RAB40C: variants seen among roughly 807,000 people sequenced by gnomAD.
RAB40C encodes ras-related protein Rab-40C.
Under a neutral mutation model 28.1 loss-of-function variants are expected in RAB40C, and 8 were observed. The observed-to-expected ratio is 0.28, with a 90% CI of 0.17 to 0.51. The LOEUF (loss-of-function observed/expected upper bound fraction) is 0.51, where lower values mean the gene tolerates loss of function less well. Ranked by LOEUF, RAB40C falls within the 20% of genes least tolerant of loss-of-function variation. The pLI, the probability that RAB40C is intolerant of heterozygous loss-of-function variation, is 0.97. For missense variants in RAB40C, 288 were observed against 405.9 expected, an observed-to-expected ratio of 0.71 and a Z score of 2.50; for synonymous variants, 201 against 171.7, an observed-to-expected ratio of 1.17 and a Z score of -1.34.
chr16:622,541 C>G (rs1357428875), intron 3 of RAB40C, among the ~76,000 whole-genome samples: 1 of 152,216 alleles, frequency 6.6e-6, no homozygotes, highest in Non-Finnish European at 1.5e-5. Context: ...CACGGTCTGG[C>G]TCTGTCGCCA....
At chr16:616,532 G>T (rs1048555610) in intron 1 of RAB40C, 1 of 151,814 alleles carries the variant, frequency 6.6e-6, no homozygotes. Flanking sequence ...TAGAGACGGG[G>T]TTTCACTGTG....
At chr16:594,478 G>C (rs2036069174) in intron 1 of RAB40C, among the ~76,000 whole-genome samples, 1 of 152,158 alleles carries the variant, frequency 6.6e-6, no homozygotes, top group Non-Finnish European at 1.5e-5. Context: ...ACCCTGTGTG[G>C]GTGTCCCAGC....
At chr16:625,568 C>A (rs2151081839) in intron 4 of RAB40C, 59 bp downstream of exon 4, 1 of 1,536,750 alleles carries the variant, frequency 6.5e-7, no homozygotes, top group Admixed American at 1.7e-5. Flanking sequence ...GGTACCTGGG[C>A]CCCGGGTAGG....
At chr16:624,471 G>A (rs1192344675) in intron 3 of RAB40C, 39 of 985,338 alleles carry the variant, frequency 4.0e-5, no homozygotes, top group East Asian at 2.3e-4. Context: ...CAAGGCCTTC[G>A]CCCTGGGAGC....
At chr16:603,533 G>A (rs1450932166) in intron 1 of RAB40C, among the ~76,000 whole-genome samples, 1 of 152,224 alleles carries the variant, frequency 6.6e-6, no homozygotes, top group African/African-American at 2.4e-5. Flanking sequence ...AGGCTGTCTT[G>A]TAGGGTAATC....
Position 627,359 on chromosome 16 carries a change from C to G in RAB40C, c.583C>G (p.Leu195Val), listed in dbSNP as rs1354362718. The change falls in exon 6 of 6, where the codon CTC (leucine) becomes GTC (valine). Residue 195 changes from leucine to valine, a missense_variant. By Grantham distance (32) the Leu-to-Val change is conservative. Around this residue, in one of 3 missense-constraint regions of RAB40C, gnomAD observed 153 missense variants for 262.4 expected, o/e 0.58. Transcript: ENST00000248139. The stretch of plus-strand genomic sequence containing the variant: ...CCCCACAGTGTTCAGCCTGCAGGAC[C>G]TCTGCTGCCGGGCCATCGTCTCCTG... ...RPNRVFSLQDLCCRAIVSCTP... is the reference protein window; with the variant it reads ...RPNRVFSLQDVCCRAIVSCTP... 1.2e-6 allele frequency: 2 copies of G among 1,613,386 alleles called. No individual in the cohort carries two copies. The highest frequency in any genetic ancestry group is 3.3e-5 in the Admixed American group (2 of 60,014).
upstream of RAB40C, chr16:589,368 A>G (rs1028602567): frequency 6.6e-6 from 1 of 151,876 alleles, no homozygotes; most frequent in Non-Finnish European, 1.5e-5. Flanking sequence ...GCCCGGGGCC[A>G]CCCCGCCGCT....
Position 627,402 on chromosome 16 carries a change from T to C in RAB40C, c.626T>C (p.Ile209Thr). The C allele has an allele frequency of 1.2e-6, 2 of 1,613,822 alleles. No homozygotes were observed. The highest frequency in any genetic ancestry group is 1.7e-6 in the Non-Finnish European group (2 of 1,179,956). Residue 209 changes from isoleucine (I) to threonine (T), a missense_variant, in exon 6 of 6, where the codon ATC becomes ACC. Around this residue, in one of 3 missense-constraint regions of RAB40C, gnomAD observed 153 missense variants for 262.4 expected, o/e 0.58. Transcript: ENST00000248139. ...GTCTCCTGCACCCCCGTGCACCTCA[T>C]CGACAAGCTTCCACTGCCCGTCACC... ...AIVSCTPVHL[I>T]DKLPLPVTIK...
intron 1 of RAB40C, 60 bp downstream of exon 1, chr16:590,493 C>G: frequency 1.4e-6 from 2 of 1,438,162 alleles, no homozygotes; most frequent in African/African-American, 1.5e-5. Context: ...GAGCTGGGCA[C>G]GGAGCTCGCC....
chr16:597,829 G>A (rs976858939), intron 1 of RAB40C, among the ~76,000 whole-genome samples: 17 of 151,272 alleles, frequency 1.1e-4, no homozygotes, highest in African/African-American at 3.4e-4. Context: ...GGCTGGGCAC[G>A]GTGGCTCACA....
chr16:592,737 G>A (rs1487942500), intron 1 of RAB40C, among the ~76,000 whole-genome samples: 1 of 152,244 alleles, frequency 6.6e-6, no homozygotes, highest in Non-Finnish European at 1.5e-5. Context: ...TTCATCAATC[G>A]GTGTTTTCCC....
intron 1 of RAB40C, chr16:596,574 G>A (rs571604955): frequency 3.4e-5 from 11 of 326,078 alleles, no homozygotes; most frequent in African/African-American, 1.5e-4. Flanking sequence ...TGCGGAGAAC[G>A]CTGCCGAACC....
rs1455082492 is a variant in RAB40C, at chr16:610,076, G to A, written c.143-7132G>A. The stretch of plus-strand genomic sequence containing the variant: ...CAGGGCCAGATGTAGCCTCATACCA[G>A]CCCAGCTGGGAGTCCGCTTGCTGAG... On this transcript the variant is annotated intron_variant, in intron 1 of 5. Transcript: ENST00000248139. This position sits in a 1 kb window ranked among gnomAD's most constrained non-coding sequence, Gnocchi z 4.6. 1.3e-5 allele frequency among the ~76,000 whole-genome samples: 2 copies of A among 152,242 alleles called. No homozygotes were observed. The highest frequency in any genetic ancestry group is 2.9e-5 in the Non-Finnish European group (2 of 68,044).
At chr16:608,271 G>T (rs11248941) in intron 1 of RAB40C, among the ~76,000 whole-genome samples, 26,662 of 152,102 alleles carry the variant, frequency 0.18, 2,534 homozygotes, top group South Asian at 0.23. Flanking sequence ...TCACTCACCC[G>T]CACAAAAACA....
At chr16:625,722 C>T (rs926693188) in intron 4 of RAB40C, 177 bp from the exon 5 acceptor site, 36 of 834,058 alleles carry the variant, frequency 4.3e-5, no homozygotes, top group South Asian at 4.0e-4. Context: ...CGGGGCCACC[C>T]GGAAGGGCTG....
chr16:597,789 C>T (rs1190303856), intron 1 of RAB40C, among the ~76,000 whole-genome samples: 1 of 151,750 alleles, frequency 6.6e-6, no homozygotes, highest in Admixed American at 6.6e-5. Context: ...TGTGCCCAGC[C>T]CAGCTCAGCA....
At chr16:597,346 A>G (rs1237254475) in intron 1 of RAB40C, among the ~76,000 whole-genome samples, 1 of 152,242 alleles carries the variant, frequency 6.6e-6, no homozygotes, top group Admixed American at 6.5e-5. Flanking sequence ...CCGTCTTTAC[A>G]GTGAACACAG....
At chr16:604,445 T>C (rs370110148) in intron 1 of RAB40C, among the ~76,000 whole-genome samples, 1 of 152,110 alleles carries the variant, frequency 6.6e-6, no homozygotes, top group Non-Finnish European at 1.5e-5. Flanking sequence ...TTCTCTAGAA[T>C]ATATGTGAGT....
At chr16:606,727 T>C (rs945040643) in intron 1 of RAB40C, among the ~76,000 whole-genome samples, 42 of 152,250 alleles carry the variant, frequency 2.8e-4, no homozygotes, top group Admixed American at 3.9e-4. Flanking sequence ...CGGAGGGCCC[T>C]TGCCCATCTG....
Sources: gnomAD v4.1 joint callset for allele counts (sites outside exome capture counted in the v4.1 genomes callset) on GRCh38, gnomAD v4.1.1 for gene constraint, gnomAD v4.1.1 regional missense constraint, Gnocchi (gnomAD v3.1) non-coding constraint, MANE v1.5 for transcripts, NCBI Gene and HGNC (gene_info 2026-07-23, HGNC 2026-07-21) for gene names.